Variants in BRD10 observed in about 807,000 individuals in gnomAD.
BRD10 encodes the protein uncharacterized bromodomain-containing protein 10.
the BRD10 span, chr9:5,908,725 T>C: frequency 6.2e-7 from 1 of 1,601,462 alleles, no homozygotes; most frequent in Non-Finnish European, 8.6e-7. Flanking sequence ...GCGAGACACC[T>C]GAGACATGCT....
chr9:5,894,791 G>A, the BRD10 span, among the ~76,000 whole-genome samples: 1 of 152,156 alleles, frequency 6.6e-6, no homozygotes, highest in African/African-American at 2.4e-5. The surrounding 1 kb of genome is among the most constrained non-coding windows in gnomAD (Gnocchi z 4.0). Flanking sequence ...TACTCTAATG[G>A]GAGCCAGTGG....
chr9:5,930,084 A>G, the BRD10 span, among the ~76,000 whole-genome samples: 1 of 151,258 alleles, frequency 6.6e-6, no homozygotes, highest in Non-Finnish European at 1.5e-5. Flanking sequence ...GTATATACTT[A>G]TTATTACCAT....
chr9:5,881,084 G>T, the BRD10 span, among the ~76,000 whole-genome samples: 2 of 152,010 alleles, frequency 1.3e-5, no homozygotes, highest in East Asian at 3.9e-4. Flanking sequence ...TCTGTCAAAG[G>T]GTTGGTTTAT....
chr9:5,936,621 C>A, the BRD10 span, among the ~76,000 whole-genome samples: 1 of 152,108 alleles, frequency 6.6e-6, no homozygotes, highest in African/African-American at 2.4e-5. Flanking sequence ...TCTTTTTCTA[C>A]AGAGTCTAGT....
chr9:5,937,847 G>A, the BRD10 span, among the ~76,000 whole-genome samples: 4 of 152,184 alleles, frequency 2.6e-5, no homozygotes, highest in Non-Finnish European at 5.9e-5. Flanking sequence ...GAATATGAAT[G>A]AAGATAATGC....
At chr9:5,881,178 G>T in the BRD10 span, among the ~76,000 whole-genome samples, 2 of 152,138 alleles carry the variant, frequency 1.3e-5, no homozygotes, top group African/African-American at 4.8e-5. Flanking sequence ...GGCTACTTCC[G>T]GGTATTTTTG....
At chr9:5,970,160 A>G in the BRD10 span, among the ~76,000 whole-genome samples, 5 of 152,344 alleles carry the variant, frequency 3.3e-5, no homozygotes, top group South Asian at 1.0e-3. Flanking sequence ...AGAAGCAAAA[A>G]GTTATGTACT....
chr9:5,901,116 GGTGA>G, the BRD10 span, among the ~76,000 whole-genome samples: 2 of 151,832 alleles, frequency 1.3e-5, no homozygotes, highest in African/African-American at 4.8e-5. Flanking sequence ...CTTAACCTAT[GGTGA>G]GTGAGAGGCT....
At chr9:5,889,385 G>C in the BRD10 span, among the ~76,000 whole-genome samples, 11 of 152,226 alleles carry the variant, frequency 7.2e-5, no homozygotes, top group Admixed American at 7.2e-4. Context: ...TGCTTTCCAA[G>C]AGTTCATCGA....
the BRD10 span, chr9:5,933,633 G>C: frequency 5.4e-6 from 2 of 372,204 alleles, no homozygotes; most frequent in African/African-American, 4.3e-5. Flanking sequence ...GAATGTAACA[G>C]ATTAATAACT....
chr9:5,927,422 A>C, the BRD10 span, among the ~76,000 whole-genome samples: 1 of 152,148 alleles, frequency 6.6e-6, no homozygotes, highest in African/African-American at 2.4e-5. Context: ...TCTATCACAC[A>C]AACGACAACA....
the BRD10 span, among the ~76,000 whole-genome samples, chr9:5,934,547 G>C: frequency 6.6e-6 from 1 of 151,748 alleles, no homozygotes; most frequent in African/African-American, 2.4e-5. Context: ...TGTTTTTTCA[G>C]TAGAGATGAG....
chr9:5,988,287 G>C, the BRD10 span: 4 of 1,290,914 alleles, frequency 3.1e-6, no homozygotes, highest in Non-Finnish European at 4.5e-6. Context: ...CCAGAAATCT[G>C]ATATGGGCAC....
the BRD10 span, among the ~76,000 whole-genome samples, chr9:5,918,686 A>C: frequency 2.0e-5 from 3 of 150,864 alleles, no homozygotes; most frequent in Non-Finnish European, 4.4e-5. Context: ...TGGCAAAAAA[A>C]CCACAATTAC....
At chr9:5,967,346 C>T in the BRD10 span, among the ~76,000 whole-genome samples, 1 of 152,080 alleles carries the variant, frequency 6.6e-6, no homozygotes, top group Non-Finnish European at 1.5e-5. Context: ...AAAAGCAGAG[C>T]AATCGGCCAC....
At chr9:5,896,773 G>A in the BRD10 span, among the ~76,000 whole-genome samples, 1 of 152,154 alleles carries the variant, frequency 6.6e-6, no homozygotes, top group Non-Finnish European at 1.5e-5. Flanking sequence ...ATGCTTCCCA[G>A]GGGTCACTGA....
At chr9:5,975,947 A>T in the BRD10 span, among the ~76,000 whole-genome samples, 4 of 152,346 alleles carry the variant, frequency 2.6e-5, no homozygotes, top group East Asian at 7.7e-4. Context: ...AGAGGAACAG[A>T]GCTTCCCTAT....
the BRD10 span, among the ~76,000 whole-genome samples, chr9:5,937,826 T>A: frequency 6.6e-6 from 1 of 152,232 alleles, no homozygotes. Context: ...AGTTCTTAGT[T>A]GTGCAGAGTA....
the BRD10 span, chr9:5,954,101 A>C: frequency 6.7e-7 from 1 of 1,491,842 alleles, no homozygotes; most frequent in Non-Finnish European, 9.2e-7. Context: ...TTTTCCTTTC[A>C]AGATTAAAAG....
Sources: gnomAD v4.1 joint callset for allele counts (sites outside exome capture counted in the v4.1 genomes callset) on GRCh38, gnomAD v4.1.1 for gene constraint, Gnocchi (gnomAD v3.1) non-coding constraint, MANE v1.5 for transcripts, NCBI Gene and HGNC (gene_info 2026-07-23, HGNC 2026-07-21) for gene names.